The following LGSN variants were observed in gnomAD, a reference collection of about 807,000 sequenced individuals.
The protein encoded by LGSN is lengsin, lens protein with glutamine synthetase domain.
A neutral mutation model predicts 19.5 loss-of-function variants in LGSN; 21 were observed. That is an observed-to-expected ratio of 1.07 (90% CI 0.76 to 1.55). The LOEUF (loss-of-function observed/expected upper bound fraction) is 1.55. Among genes scored for constraint, LGSN ranks in the 40% most tolerant of loss-of-function variants. The probability of loss-of-function intolerance (pLI) is 0.00; values close to 1 mark genes in which losing one functional copy is unlikely to be tolerated. For synonymous variants in LGSN, 257 were observed against 215.6 expected (o/e 1.19, Z -1.68); for missense variants, 673 against 608.5 (o/e 1.11, Z -1.12).
the LGSN span, among the ~76,000 whole-genome samples, chr6:63,408,052 A>G: frequency 6.6e-6 from 1 of 152,238 alleles, no homozygotes; most frequent in South Asian, 2.1e-4. Context: ...ATGGAAGAAC[A>G]TTCCATGCTC....
At chr6:63,559,551 C>T in the LGSN span, among the ~76,000 whole-genome samples, 2 of 152,086 alleles carry the variant, frequency 1.3e-5, no homozygotes, top group Non-Finnish European at 2.9e-5. Flanking sequence ...TGGAGACCAT[C>T]CTGGCCAACA....
the LGSN span, among the ~76,000 whole-genome samples, chr6:63,439,362 A>C: frequency 6.6e-6 from 1 of 152,058 alleles, no homozygotes; most frequent in Non-Finnish European, 1.5e-5. Context: ...TAATAATAAT[A>C]CAATTAAAAA....
chr6:63,453,684 C>T, the LGSN span, among the ~76,000 whole-genome samples: 3 of 151,950 alleles, frequency 2.0e-5, no homozygotes, highest in Admixed American at 6.6e-5. Flanking sequence ...GACAGAGTCT[C>T]GCTCTGTTGC....
intron 1 of LGSN, among the ~76,000 whole-genome samples, chr6:63,306,007 C>T (rs1768370247): frequency 6.6e-6 from 1 of 152,086 alleles, no homozygotes; most frequent in Admixed American, 6.6e-5. Flanking sequence ...GTGGAGGTTA[C>T]AGTGAGCCAA....
At chr6:63,479,667 G>A in the LGSN span, among the ~76,000 whole-genome samples, 1 of 152,168 alleles carries the variant, frequency 6.6e-6, no homozygotes, top group Non-Finnish European at 1.5e-5. Flanking sequence ...ATGAACCCGG[G>A]AGATGGAGAT....
chr6:63,388,088 C>T, the LGSN span, among the ~76,000 whole-genome samples: 1 of 150,582 alleles, frequency 6.6e-6, no homozygotes, highest in Non-Finnish European at 1.5e-5. Flanking sequence ...GTTAGGCAGG[C>T]TGGTCTCGAA....
At chr6:63,336,553 G>A in the LGSN span, among the ~76,000 whole-genome samples, 558 of 140,464 alleles carry the variant, frequency 4.0e-3, 10 homozygotes, top group African/African-American at 0.015. Context: ...GTGTGTGTGT[G>A]TGTGTGTGTA....
At chr6:63,480,986 T>TATACAC in the LGSN span, among the ~76,000 whole-genome samples, 60 of 43,960 alleles carry the variant, frequency 1.4e-3, no homozygotes, top group South Asian at 4.3e-3. Context: ...TATATATATA[T>TATACAC]ACACACACAC....
the LGSN span, among the ~76,000 whole-genome samples, chr6:63,480,950 T>G: frequency 8.8e-3 from 300 of 34,236 alleles, 6 homozygotes; most frequent in African/African-American, 0.015. Context: ...GATATATATA[T>G]ATATATATAT....
At chr6:63,542,450 C>T in the LGSN span, among the ~76,000 whole-genome samples, 2 of 152,048 alleles carry the variant, frequency 1.3e-5, no homozygotes, top group Non-Finnish European at 2.9e-5. Flanking sequence ...CTCCTTTGAA[C>T]TCAAAAACTA....
At chr6:63,356,702 T>C in the LGSN span, among the ~76,000 whole-genome samples, 2 of 152,244 alleles carry the variant, frequency 1.3e-5, no homozygotes, top group African/African-American at 2.4e-5. Flanking sequence ...GCCATGCATA[T>C]ACCTAGGAGA....
the LGSN span, among the ~76,000 whole-genome samples, chr6:63,399,034 T>C: frequency 6.6e-6 from 1 of 152,162 alleles, no homozygotes; most frequent in East Asian, 1.9e-4. Flanking sequence ...CTCAAACTCC[T>C]AGGCTCCAGT....
chr6:63,481,490 A>ACTTTT, the LGSN span, among the ~76,000 whole-genome samples: 1 of 150,208 alleles, frequency 6.7e-6, no homozygotes, highest in East Asian at 2.0e-4. Flanking sequence ...CTACAGGCGC[A>ACTTTT]TGCCACCATG....
chr6:63,495,139 T>C, the LGSN span, among the ~76,000 whole-genome samples: 1 of 152,196 alleles, frequency 6.6e-6, no homozygotes, highest in African/African-American at 2.4e-5. Context: ...TATAGATTTT[T>C]CACATACCAG....
chr6:63,492,357 C>A, the LGSN span, among the ~76,000 whole-genome samples: 1 of 140,526 alleles, frequency 7.1e-6, no homozygotes, highest in Admixed American at 7.5e-5. Flanking sequence ...TAGTCTAGGA[C>A]AAATTAATTG....
At chr6:63,332,048 G>T in the LGSN span, among the ~76,000 whole-genome samples, 1 of 152,152 alleles carries the variant, frequency 6.6e-6, no homozygotes, top group African/African-American at 2.4e-5. Context: ...ATATGAATAG[G>T]AAGGATACAA....
At chr6:63,417,250 C>T in the LGSN span, among the ~76,000 whole-genome samples, 1 of 152,138 alleles carries the variant, frequency 6.6e-6, no homozygotes, top group Non-Finnish European at 1.5e-5. Context: ...ATGGCTGCAG[C>T]TGAATCTTGT....
the LGSN span, among the ~76,000 whole-genome samples, chr6:63,541,395 A>T: frequency 0.087 from 13,225 of 151,984 alleles, 613 homozygotes; most frequent in East Asian, 0.16. Context: ...CTACTAAAAA[A>T]ACAAAAAAAT....
chr6:63,319,871 G>A, intron 1 of LGSN, 43 bp downstream of exon 1: 1 of 1,410,192 alleles, frequency 7.1e-7, no homozygotes, highest in Non-Finnish European at 1.0e-6. Flanking sequence ...AAGATTTACT[G>A]TCAATATTTT....
Sources: allele counts gnomAD v4.1 joint callset (sites outside exome capture counted in the v4.1 genomes callset), GRCh38; gene constraint gnomAD v4.1.1; transcripts MANE v1.5; gene names NCBI Gene and HGNC (gene_info 2026-07-23, HGNC 2026-07-21).